Variants in AGFG1 observed in about 807,000 individuals in gnomAD.
The protein encoded by AGFG1 is arf-GAP domain and FG repeat-containing protein 1.
AGFG1 carries 10 observed loss-of-function variants against 60.6 expected under a neutral mutation model. That is an observed-to-expected ratio of 0.16 (90% CI 0.10 to 0.28). The LOEUF (loss-of-function observed/expected upper bound fraction) is 0.28. AGFG1 is among the 10% of genes least tolerant of loss of function. AGFG1 has a pLI of 1.00. For missense variants in AGFG1, 537 were observed against 676.5 expected (o/e 0.79, Z 2.29); for synonymous variants, 247 against 242.9 (o/e 1.02, Z -0.16).
chr2:227,534,631 T>G (rs1410905839), intron 7 of AGFG1, among the ~76,000 whole-genome samples: 1 of 152,210 alleles, frequency 6.6e-6, no homozygotes, highest in East Asian at 1.9e-4. Flanking sequence ...AGTGTTAATT[T>G]TTGTTAAGAG....
chr2:227,509,625 T>C (rs1453870831), intron 2 of AGFG1, among the ~76,000 whole-genome samples: 1 of 152,160 alleles, frequency 6.6e-6, no homozygotes, highest in Non-Finnish European at 1.5e-5. Context: ...CTCAAGAGAA[T>C]GATAAAGCAA....
rs1283250450 is a variant in AGFG1 at position 227,517,358 on chromosome 2, C to T, written c.262-2590C>T. On this transcript the variant is annotated intron_variant, in intron 2 of 12. Coordinates refer to ENST00000310078, the MANE Select transcript of AGFG1 (RefSeq NM_004504.5). The stretch of plus-strand genomic sequence containing the variant: ...TCGGCTCACTGCAACCTCTGACTCC[C>T]GGGTTCAAGCGATTCTCCTGCTTCA... Among the ~76,000 whole-genome samples, 11 of 152,184 alleles carry T rather than the reference C, an allele frequency of 7.2e-5. No homozygotes were observed. The East Asian group carries it at 1.5e-3, about 21-fold the overall frequency.
At chr2:227,503,239 TAA>T (rs764673226) in intron 2 of AGFG1, among the ~76,000 whole-genome samples, 54 of 133,488 alleles carry the variant, frequency 4.0e-4, no homozygotes, top group Non-Finnish European at 3.4e-4. Flanking sequence ...TTGTCTCAAT[TAA>T]AAAAAAAAAA....
intron 1 of AGFG1, among the ~76,000 whole-genome samples, chr2:227,476,018 A>G (rs1690271403): frequency 1.3e-5 from 2 of 152,192 alleles, no homozygotes; most frequent in African/African-American, 2.4e-5. Flanking sequence ...AAATTGAACT[A>G]GCATCTTGTT....
chr2:227,540,617 C>G (rs1692462245), intron 10 of AGFG1, among the ~76,000 whole-genome samples: 1 of 152,118 alleles, frequency 6.6e-6, no homozygotes, highest in Non-Finnish European at 1.5e-5. Flanking sequence ...TGGGTTGGTT[C>G]CACGTCTTTG....
intron 10 of AGFG1, among the ~76,000 whole-genome samples, chr2:227,542,604 A>G (rs1175449787): frequency 6.6e-6 from 1 of 152,176 alleles, no homozygotes; most frequent in East Asian, 1.9e-4. Context: ...CATCAGGGAT[A>G]TTGGTCTAAA....
At chr2:227,524,724 C>G in intron 4 of AGFG1, 38 bp from the exon 5 acceptor site, 2 of 1,602,488 alleles carry the variant, frequency 1.2e-6, no homozygotes, top group Non-Finnish European at 1.7e-6. Flanking sequence ...TTTGCAGATC[C>G]GACTGGAATA....
At chr2:227,496,592 C>G (rs1026427365) in intron 2 of AGFG1, among the ~76,000 whole-genome samples, 3 of 152,196 alleles carry the variant, frequency 2.0e-5, no homozygotes, top group Admixed American at 6.5e-5. Context: ...GTGCTGAAAG[C>G]TCAGATTTGG....
At chr2:227,509,961 A>G (rs1300155274) in intron 2 of AGFG1, among the ~76,000 whole-genome samples, 18 of 152,232 alleles carry the variant, frequency 1.2e-4, no homozygotes, top group Non-Finnish European at 1.5e-5. Flanking sequence ...AAATAAAATT[A>G]AAAGGCAGAG....
chr2:227,532,085 C>CTT (rs1463751944), intron 6 of AGFG1: 2 of 1,413,652 alleles, frequency 1.4e-6, no homozygotes, highest in African/African-American at 2.9e-5. Flanking sequence ...TTTCAATTTT[C>CTT]TTTTTTGTTT....
intron 1 of AGFG1, among the ~76,000 whole-genome samples, chr2:227,489,437 G>T (rs58849319): frequency 0.049 from 7,227 of 148,658 alleles, 272 homozygotes; most frequent in Middle Eastern, 0.11. Flanking sequence ...GGCCAGGCTG[G>T]TCTCAAACTT....
intron 10 of AGFG1, among the ~76,000 whole-genome samples, chr2:227,545,265 G>A (rs1304690944): frequency 2.0e-5 from 3 of 152,140 alleles, no homozygotes; most frequent in Non-Finnish European, 2.9e-5. Context: ...ACTGAAGCTT[G>A]TGTATGCTTC....
At chr2:227,529,639 C>T (rs951356641) in intron 5 of AGFG1, among the ~76,000 whole-genome samples, 1 of 152,054 alleles carries the variant, frequency 6.6e-6, no homozygotes, top group Non-Finnish European at 1.5e-5. Flanking sequence ...ATAAAATTCA[C>T]CTACTGAATT....
chr2:227,554,153 T>G (rs1002707261), intron 12 of AGFG1, among the ~76,000 whole-genome samples: 19 of 152,170 alleles, frequency 1.2e-4, no homozygotes, highest in African/African-American at 4.3e-4. Context: ...GTCAGAAGTT[T>G]TGTTTGAATC....
intron 4 of AGFG1, among the ~76,000 whole-genome samples, chr2:227,524,389 C>A (rs902500357): frequency 6.6e-6 from 1 of 152,026 alleles, no homozygotes; most frequent in Non-Finnish European, 1.5e-5. Flanking sequence ...TTGCATTATA[C>A]CTTATTCTTA....
At chr2:227,543,796 C>T (rs561697838) in intron 10 of AGFG1, among the ~76,000 whole-genome samples, 2 of 152,252 alleles carry the variant, frequency 1.3e-5, no homozygotes, top group South Asian at 4.1e-4. Flanking sequence ...GTCTAAGTCT[C>T]TTTGTAGGTC....
In AGFG1 at chr2:227,529,383, C is replaced by A. The variant is rs536945735; in HGVS notation, c.695-1708C>A. Among the ~76,000 whole-genome samples the A allele has an allele frequency of 3.3e-5, 5 of 152,170 alleles. No individual in the cohort carries two copies. In the South Asian group the frequency reaches 6.2e-4, roughly 19 times the overall value. ...AAATTTTATCCTGAACAGTTTGATA[C>A]GACTGATGGAACCATTAATGGCAAA... On this transcript the variant is annotated intron_variant, in intron 5 of 12. Transcript: ENST00000310078.
At chr2:227,514,651 G>T (rs1164200031) in intron 2 of AGFG1, among the ~76,000 whole-genome samples, 1 of 152,134 alleles carries the variant, frequency 6.6e-6, no homozygotes, top group African/African-American at 2.4e-5. Context: ...TACAGAGTTG[G>T]AATTCAAACT....
intron 5 of AGFG1, among the ~76,000 whole-genome samples, chr2:227,529,999 A>G (rs991989098): frequency 2.6e-5 from 4 of 152,118 alleles, no homozygotes; most frequent in Admixed American, 6.6e-5. Flanking sequence ...GAAACAAAGC[A>G]TATCTGTCAG....
Sources: allele counts gnomAD v4.1 joint callset (sites outside exome capture counted in the v4.1 genomes callset), GRCh38; gene constraint gnomAD v4.1.1; transcripts MANE v1.5; gene names NCBI Gene and HGNC (gene_info 2026-07-23, HGNC 2026-07-21).